Variants in RBFOX2 observed in about 807,000 individuals in gnomAD.
RBFOX2 encodes the protein RNA binding protein fox-1 homolog 2.
RBFOX2 carries 10 observed loss-of-function variants against 49.1 expected under a neutral mutation model. The ratio of observed to expected loss-of-function variants is 0.20; its 90% CI spans 0.13 to 0.35. The LOEUF is 0.35. Among genes scored for constraint, RBFOX2 ranks in the 10% least tolerant of loss-of-function variants. The pLI is 1.00. For missense variants in RBFOX2, 323 were observed against 486.9 expected, an observed-to-expected ratio of 0.66 and a Z score of 3.17; for synonymous variants, 183 against 187.4, an observed-to-expected ratio of 0.98 and a Z score of 0.19.
chr22:35,910,437 G>C (rs5755989), intron 1 of RBFOX2, among the ~76,000 whole-genome samples: 11,891 of 152,232 alleles, frequency 0.078, 487 homozygotes, highest in South Asian at 0.089. Flanking sequence ...TCAGAGATAG[G>C]TAGCTGACAG....
chr22:35,972,791 T>TA (rs2056952345), intron 1 of RBFOX2, among the ~76,000 whole-genome samples: 1 of 152,184 alleles, frequency 6.6e-6, no homozygotes, highest in African/African-American at 2.4e-5. Flanking sequence ...CACCCTCTTC[T>TA]ATGAGCCATA....
chr22:35,986,239 T>C (rs954004628), intron 1 of RBFOX2, among the ~76,000 whole-genome samples: 2 of 152,068 alleles, frequency 1.3e-5, no homozygotes, highest in Non-Finnish European at 2.9e-5. Flanking sequence ...AGGAAATCAA[T>C]TATGCTGAAG....
chr22:35,991,541 T>G (rs1401707595), intron 1 of RBFOX2, among the ~76,000 whole-genome samples: 1 of 152,184 alleles, frequency 6.6e-6, no homozygotes, highest in Admixed American at 6.5e-5. Flanking sequence ...TCAGCCAGGT[T>G]TAAGTGAGCT....
At chr22:35,982,445 C>T (rs1276392798) in intron 1 of RBFOX2, among the ~76,000 whole-genome samples, 2 of 151,948 alleles carry the variant, frequency 1.3e-5, no homozygotes, top group Admixed American at 6.6e-5. Flanking sequence ...TACCAGTCTC[C>T]CTACTACACT....
intron 1 of RBFOX2, among the ~76,000 whole-genome samples, chr22:36,014,895 G>C (rs1344346250): frequency 6.6e-6 from 1 of 152,184 alleles, no homozygotes; most frequent in Non-Finnish European, 1.5e-5. Flanking sequence ...GCTTACGTAT[G>C]AAGGTAGGAA....
intron 9 of RBFOX2, among the ~76,000 whole-genome samples, chr22:35,753,488 C>T (rs999197703): frequency 1.3e-5 from 2 of 152,044 alleles, no homozygotes; most frequent in African/African-American, 2.4e-5. Flanking sequence ...AGTAACTCTG[C>T]TTTAAGATAA....
chr22:35,972,083 A>G (rs1294109197), intron 1 of RBFOX2, among the ~76,000 whole-genome samples: 2 of 152,140 alleles, frequency 1.3e-5, no homozygotes, highest in Admixed American at 6.5e-5. Context: ...GATGAGTCAT[A>G]TAAGAACATA....
intron 1 of RBFOX2, chr22:36,000,358 C>T (rs2058364877): frequency 6.6e-6 from 1 of 152,104 alleles, no homozygotes; most frequent in African/African-American, 2.4e-5. Context: ...CATAAAGTTT[C>T]AGAGCTCAGA....
chr22:35,798,967 C>T (rs1453057812), intron 2 of RBFOX2, among the ~76,000 whole-genome samples: 1 of 152,118 alleles, frequency 6.6e-6, no homozygotes, highest in Non-Finnish European at 1.5e-5. Flanking sequence ...GATGTATTAA[C>T]TCAGTATTTT....
chr22:35,900,882 C>T (rs1283085809), intron 1 of RBFOX2, among the ~76,000 whole-genome samples: 1 of 152,212 alleles, frequency 6.6e-6, no homozygotes, highest in Non-Finnish European at 1.5e-5. Context: ...GCACTGGCCA[C>T]ATGCAGCAGT....
At chr22:35,819,804 G>C (rs1398587416) in intron 1 of RBFOX2, among the ~76,000 whole-genome samples, 4 of 152,226 alleles carry the variant, frequency 2.6e-5, no homozygotes, top group African/African-American at 4.8e-5. Flanking sequence ...GTATGCTACA[G>C]AGAAAAAATA....
chr22:35,866,517 C>G (rs1271392420), intron 1 of RBFOX2, among the ~76,000 whole-genome samples: 2 of 152,144 alleles, frequency 1.3e-5, no homozygotes, highest in Non-Finnish European at 2.9e-5. Flanking sequence ...AATACACATA[C>G]TTTTCCCTAT....
chr22:35,937,446 T>TGAGTTGA (rs1219001023), intron 1 of RBFOX2, among the ~76,000 whole-genome samples: 1 of 152,190 alleles, frequency 6.6e-6, no homozygotes, highest in East Asian at 1.9e-4. Flanking sequence ...TCCCGATGCC[T>TGAGTTGA]TATCTGGGGC....
chr22:35,881,743 G>T (rs1284435812), intron 1 of RBFOX2, among the ~76,000 whole-genome samples: 1 of 152,052 alleles, frequency 6.6e-6, no homozygotes, highest in African/African-American at 2.4e-5. Context: ...GGTGGATCAT[G>T]AGGTCAGGAG....
intron 2 of RBFOX2, among the ~76,000 whole-genome samples, chr22:35,796,139 T>C (rs1948743829): frequency 6.6e-6 from 1 of 152,164 alleles, no homozygotes; most frequent in African/African-American, 2.4e-5. Context: ...GTGCCTGGCC[T>C]ACAAAGAAAA....
chr22:35,751,095 A>C (rs1307445607), intron 9 of RBFOX2, among the ~76,000 whole-genome samples: 1 of 152,244 alleles, frequency 6.6e-6, no homozygotes, highest in Non-Finnish European at 1.5e-5. Flanking sequence ...TTTAAACTAG[A>C]GCAAAATACA....
intron 1 of RBFOX2, among the ~76,000 whole-genome samples, chr22:35,932,358 T>C (rs2052529878): frequency 6.6e-6 from 1 of 152,160 alleles, no homozygotes; most frequent in Admixed American, 6.5e-5. Context: ...AAATACTTGT[T>C]AAGAAAAGAA....
intron 1 of RBFOX2, among the ~76,000 whole-genome samples, chr22:35,928,952 G>A (rs1471534507): frequency 6.6e-6 from 1 of 151,924 alleles, no homozygotes; most frequent in Non-Finnish European, 1.5e-5. Context: ...AACAGTCTGT[G>A]GTTTCTTTAA....
At chr22:35,870,652 A>G (rs1003631269) in intron 1 of RBFOX2, among the ~76,000 whole-genome samples, 5 of 152,194 alleles carry the variant, frequency 3.3e-5, no homozygotes, top group Non-Finnish European at 7.3e-5. Context: ...TAAGTGGCTG[A>G]TAAAAGCAGG....
Sources: allele counts gnomAD v4.1 joint callset (sites outside exome capture counted in the v4.1 genomes callset), GRCh38; gene constraint gnomAD v4.1.1; transcripts MANE v1.5; gene names NCBI Gene and HGNC (gene_info 2026-07-23, HGNC 2026-07-21).